GCSAML: variants seen among roughly 807,000 people sequenced by gnomAD.
GCSAML encodes the protein germinal center associated signaling and motility like.
A neutral mutation model predicts 13.0 loss-of-function variants in GCSAML; 9 were observed. That is an observed-to-expected ratio of 0.69 (90% CI 0.42 to 1.21). GCSAML has a LOEUF of 1.21. GCSAML is among the 50% of genes most tolerant of loss of function. The probability of loss-of-function intolerance (pLI) is 0.00; values close to 1 mark genes in which losing one functional copy is unlikely to be tolerated. For synonymous variants in GCSAML, 37 were observed against 52.9 expected (o/e 0.70, Z 1.31); for missense variants, 143 against 153.4 (o/e 0.93, Z 0.36).
chr1:247,508,075 T>C (rs1311032726), intron 1 of GCSAML, among the ~76,000 whole-genome samples: 2 of 152,200 alleles, frequency 1.3e-5, no homozygotes, highest in South Asian at 2.1e-4. Context: ...TTCTAGATCC[T>C]TGAGGAATTG....
At chr1:247,538,672 A>G (rs780642321) in intron 2 of GCSAML, 2 of 453,126 alleles carry the variant, frequency 4.4e-6, no homozygotes, top group Non-Finnish European at 8.8e-6. Flanking sequence ...CCACACATGC[A>G]CAGAGGAAAG....
chr1:247,507,838 C>T (rs903696681), intron 1 of GCSAML, among the ~76,000 whole-genome samples: 36 of 152,138 alleles, frequency 2.4e-4, no homozygotes, highest in African/African-American at 8.4e-4. Context: ...CTGCAAAGGA[C>T]ATGAACTCAT....
At position 247,574,124 on chromosome 1, in the gene GCSAML, T is replaced by C; in HGVS notation, c.169-19T>C. 6.2e-7 allele frequency: 1 copy of C among 1,613,254 alleles called. No individual in the cohort carries two copies. Among genetic ancestry groups the C allele is most frequent in the African/African-American group, 1.3e-5 (1 of 74,980 alleles). On this transcript the variant is annotated intron_variant, in intron 4 of 4. Coordinates refer to ENST00000366488, the MANE Select transcript of GCSAML (RefSeq NM_145278.5). Reference sequence around the variant, plus strand: ...AATGACCGTGGATCCTTGATTTCTTTTCTCTTTGTGCTTGGCAGGAAAACG... The same window carrying C: ...AATGACCGTGGATCCTTGATTTCTTCTCTCTTTGTGCTTGGCAGGAAAACG...
intron 4 of GCSAML, among the ~76,000 whole-genome samples, chr1:247,573,691 T>C (rs754693941): frequency 6.6e-5 from 10 of 152,192 alleles, no homozygotes; most frequent in Admixed American, 2.0e-4. Flanking sequence ...TTTGGTTCCA[T>C]ATGGAATTTA....
At chr1:247,531,179 C>T (rs976398895) in intron 2 of GCSAML, 2 of 227,182 alleles carry the variant, frequency 8.8e-6, no homozygotes, top group Non-Finnish European at 1.7e-5. Context: ...GGGAACAGGC[C>T]GGCTCCGGTC....
chr1:247,518,534 T>G (rs1402013155), intron 1 of GCSAML: 2 of 152,288 alleles, frequency 1.3e-5, no homozygotes, highest in African/African-American at 4.8e-5. Flanking sequence ...ATCCCCACGC[T>G]GAGAGGACGA....
chr1:247,526,839 A>G lies in GCSAML; in HGVS notation c.-262-101A>G, dbSNP rs1666701064. Reference sequence around the variant, plus strand: ...GGCATCGAAAGACAAGTGGTGTCCAATATGGCATGTTAGCATTTTCCTCTT... The same window carrying G: ...GGCATCGAAAGACAAGTGGTGTCCAGTATGGCATGTTAGCATTTTCCTCTT... On this transcript the variant is annotated intron_variant, in intron 1 of 5. Coordinates refer to the GCSAML transcript ENST00000366489. The surrounding 1 kb of genome is among the most constrained non-coding windows in gnomAD (Gnocchi z 4.8). 7.6e-6 allele frequency: 3 copies of G among 393,362 alleles called. No homozygotes were observed. Among genetic ancestry groups the G allele is most frequent in the Non-Finnish European group, 1.5e-5 (3 of 199,770 alleles). The allele number at this position is 393,362 out of a possible 1,614,324, so 24.4% of individuals were successfully genotyped here.
Position 247,563,674 on chromosome 1 carries a change from G to C in GCSAML, c.139+35G>C, listed in dbSNP as rs748810788. The stretch of plus-strand genomic sequence containing the variant: ...GGCTGTATAATATTTTTCATAGTAG[G>C]GAAGTGCAAATTTAAGCATCCAATT... On this transcript the variant is annotated intron_variant, in intron 3 of 4. Coordinates refer to ENST00000366488, the MANE Select transcript of GCSAML (RefSeq NM_145278.5). The C allele has an allele frequency of 6.3e-6, 8 of 1,274,958 alleles. No homozygotes were observed. The Admixed American group carries it at 1.4e-4, about 22-fold the overall frequency. 79.0% of individuals were successfully genotyped at this position (1,274,958 alleles called of 1,614,324 possible).
intron 2 of GCSAML, chr1:247,528,641 T>C (rs748255087): frequency 1.3e-5 from 2 of 152,264 alleles, no homozygotes; most frequent in Non-Finnish European, 2.9e-5. Flanking sequence ...GAAGGGAAAC[T>C]TCCCAGTGGT....
At chr1:247,547,781 G>A (rs1001817467), upstream of GCSAML, among the ~76,000 whole-genome samples, 1 of 152,138 alleles carries the variant, frequency 6.6e-6, no homozygotes, top group Non-Finnish European at 1.5e-5. Context: ...TTGTTAGAAA[G>A]GCAAAATATT....
intron 2 of GCSAML, chr1:247,528,240 T>G (rs1162897287): frequency 1.3e-5 from 2 of 152,160 alleles, no homozygotes; most frequent in Admixed American, 6.5e-5. Context: ...AAATTTCATT[T>G]TAGTTTGTTT....
chr1:247,518,272 T>G (rs1257542171), intron 1 of GCSAML, among the ~76,000 whole-genome samples: 3 of 152,208 alleles, frequency 2.0e-5, no homozygotes, highest in African/African-American at 7.2e-5. Flanking sequence ...CCAGTTCGTG[T>G]GTGGGACGCC....
chr1:247,550,671 G>T (rs980182887), intron 1 of GCSAML, among the ~76,000 whole-genome samples: 2 of 152,040 alleles, frequency 1.3e-5, no homozygotes, highest in East Asian at 3.9e-4. Context: ...ATGCTTAAGG[G>T]TTCATGGATG....
intron 2 of GCSAML, chr1:247,531,960 G>T (rs1247142835): frequency 6.2e-7 from 1 of 1,614,044 alleles, no homozygotes; most frequent in African/African-American, 1.3e-5. Context: ...GTTGCATAAT[G>T]AGGGGCATCT....
At chr1:247,570,155 C>T (rs1195470895) in intron 4 of GCSAML, among the ~76,000 whole-genome samples, 2 of 152,092 alleles carry the variant, frequency 1.3e-5, no homozygotes, top group African/African-American at 4.8e-5. Context: ...TCAAAAAAAC[C>T]AGCTCCTGGA....
At chr1:247,516,557 T>G (rs951959631) in intron 1 of GCSAML, among the ~76,000 whole-genome samples, 5 of 151,026 alleles carry the variant, frequency 3.3e-5, no homozygotes, top group African/African-American at 7.3e-5. Context: ...TTGACTGTTT[T>G]TTTTTTTTTT....
intron 4 of GCSAML, among the ~76,000 whole-genome samples, chr1:247,573,546 G>A (rs111431521): frequency 0.015 from 2,251 of 152,202 alleles, 58 homozygotes; most frequent in African/African-American, 0.052. Flanking sequence ...CCAATGAGAT[G>A]AACTGGGTAC....
chr1:247,549,370 C>T (rs1667691874), intron 1 of GCSAML, 150 bp downstream of exon 1: 2 of 586,812 alleles, frequency 3.4e-6, no homozygotes, highest in Non-Finnish European at 5.9e-6. Context: ...ACAGTGACGC[C>T]CAGTTGGCTC....
chr1:247,557,041 G>C (rs1207143917), intron 2 of GCSAML, among the ~76,000 whole-genome samples: 3 of 151,920 alleles, frequency 2.0e-5, no homozygotes, highest in East Asian at 1.9e-4. Context: ...TCTACAAGCT[G>C]GTCTTTTACT....
Sources: allele counts gnomAD v4.1 joint callset (sites outside exome capture counted in the v4.1 genomes callset), GRCh38; gene constraint gnomAD v4.1.1; non-coding constraint Gnocchi (gnomAD v3.1); transcripts MANE v1.5; gene names NCBI Gene and HGNC (gene_info 2026-07-23, HGNC 2026-07-21).